SARNP: variants seen among roughly 807,000 people sequenced by gnomAD.
SARNP encodes the protein SAP domain containing ribonucleoprotein.
A neutral mutation model predicts 38.1 loss-of-function variants in SARNP; 5 were observed. The ratio of observed to expected loss-of-function variants is 0.13; its 90% CI spans 0.07 to 0.28. SARNP has a LOEUF of 0.28. Among genes scored for constraint, SARNP ranks in the 10% least tolerant of loss-of-function variants. The probability of loss-of-function intolerance (pLI) is 1.00; values close to 1 mark genes in which losing one functional copy is unlikely to be tolerated. For missense variants in SARNP, 180 were observed against 243.9 expected (o/e 0.74, Z 1.75); for synonymous variants, 84 against 80.6 (o/e 1.04, Z -0.23).
At chr12:55,766,043 C>G (rs954673703) in intron 9 of SARNP, among the ~76,000 whole-genome samples, 6 of 152,188 alleles carry the variant, frequency 3.9e-5, no homozygotes, top group African/African-American at 1.4e-4. Context: ...AAACTCATGT[C>G]TCTCTGCATT....
intron 1 of SARNP, among the ~76,000 whole-genome samples, chr12:55,804,749 G>A (rs1471973460): frequency 6.6e-6 from 1 of 152,088 alleles, no homozygotes; most frequent in African/African-American, 2.4e-5. Flanking sequence ...AAGCAGGAAA[G>A]AAAGGCTCCA....
chr12:55,753,526 T>C (rs1878399916), downstream of SARNP: 1 of 151,968 alleles, frequency 6.6e-6, no homozygotes, highest in Non-Finnish European at 1.5e-5. Context: ...TCCCAGCACT[T>C]TGGGGGGCCG....
intron 9 of SARNP, among the ~76,000 whole-genome samples, chr12:55,766,767 C>T (rs1365263740): frequency 1.3e-5 from 2 of 152,030 alleles, no homozygotes; most frequent in South Asian, 2.1e-4. Context: ...GGACCACAGG[C>T]GCAAGCCAAC....
intron 9 of SARNP, among the ~76,000 whole-genome samples, chr12:55,768,863 A>AC (rs1878925073): frequency 6.6e-6 from 1 of 152,048 alleles, no homozygotes; most frequent in Non-Finnish European, 1.5e-5. Flanking sequence ...AGCTGGGATT[A>AC]CAGGTGTAAG....
chr12:55,813,787 G>A (rs1332672886), intron 1 of SARNP, among the ~76,000 whole-genome samples: 7 of 152,032 alleles, frequency 4.6e-5, no homozygotes, highest in South Asian at 2.1e-4. Flanking sequence ...CAGGTGATCC[G>A]CCTGCCTCGG....
intron 4 of SARNP, 121 bp downstream of exon 4, chr12:55,800,441 G>T (rs1879944011): frequency 2.9e-6 from 2 of 682,118 alleles, no homozygotes; most frequent in African/African-American, 3.7e-5. Flanking sequence ...ACAAAAAAAT[G>T]ACCTAATCAG....
At position 55,770,227 on chromosome 12, in the gene SARNP, A is replaced by AT. The variant is rs758062236; in HGVS notation, c.502-9588dup. ...AAAGAGTCATCAGGTTATAACTAGA[A>AT]TTTTTTTTTTTTTTTTGAGATGGAG... On this transcript the variant is annotated intron_variant, in intron 9 of 10. Coordinates refer to ENST00000336133, the MANE Select transcript of SARNP (RefSeq NM_033082.4). Among the ~76,000 whole-genome samples the AT allele has an allele frequency of 5.1e-3, 724 of 142,594 alleles. 2 individuals are homozygous for AT. The highest frequency in any genetic ancestry group is 0.011 in the Middle Eastern group (3 of 272). 93.5% of individuals were successfully genotyped at this position (142,594 alleles called of 152,430 possible).
intron 9 of SARNP, among the ~76,000 whole-genome samples, chr12:55,781,609 A>C (rs533151629): frequency 6.6e-5 from 10 of 152,302 alleles, no homozygotes; most frequent in African/African-American, 2.2e-4. Context: ...ACTCACTGTG[A>C]AGTGGTTCAT....
At chr12:55,782,271 C>T (rs1441995949) in intron 9 of SARNP, among the ~76,000 whole-genome samples, 1 of 152,198 alleles carries the variant, frequency 6.6e-6, no homozygotes, top group Non-Finnish European at 1.5e-5. Flanking sequence ...ACATATACTG[C>T]CCTCACATTC....
chr12:55,773,987 C>A (rs1444596236), intron 9 of SARNP, among the ~76,000 whole-genome samples: 1 of 151,814 alleles, frequency 6.6e-6, no homozygotes, highest in Non-Finnish European at 1.5e-5. Context: ...GGATTACAGG[C>A]ATGAGCCAAT....
At chr12:55,755,006 A>T (rs1878461026), downstream of SARNP, 1 of 152,236 alleles carries the variant, frequency 6.6e-6, no homozygotes, top group Non-Finnish European at 1.5e-5. Context: ...AGAATCTGGA[A>T]AGATGTGAAA....
At chr12:55,762,308 T>C (rs982743472) in intron 9 of SARNP, among the ~76,000 whole-genome samples, 2 of 150,414 alleles carry the variant, frequency 1.3e-5, no homozygotes, top group African/African-American at 4.8e-5. Context: ...AAACAAACTT[T>C]TTTTTTTTTT....
intron 9 of SARNP, among the ~76,000 whole-genome samples, chr12:55,771,451 C>CCTGG: frequency 6.6e-6 from 1 of 152,292 alleles, no homozygotes; most frequent in Admixed American, 6.5e-5. Flanking sequence ...ATTAACCAAG[C>CCTGG]CAGGCACTGT....
intron 1 of SARNP, among the ~76,000 whole-genome samples, chr12:55,811,597 A>C (rs566357756): frequency 2.0e-4 from 31 of 152,082 alleles, no homozygotes; most frequent in Admixed American, 1.7e-3. Flanking sequence ...ACAAACAAAC[A>C]AACAAACAAA....
Position 55,794,164 on chromosome 12 carries a change from T to A in SARNP, c.406+195A>T, listed in dbSNP as rs74091410. On this transcript the variant is annotated intron_variant, in intron 7 of 10. Transcript: ENST00000336133. Reference sequence around the variant, plus strand: ...AATGTTGGCACTTCCTATCCTCTCATAACATTCAGTATCTCTCTTAATTGC... The same window carrying A: ...AATGTTGGCACTTCCTATCCTCTCAAAACATTCAGTATCTCTCTTAATTGC... 2.2e-3 allele frequency: 1,269 copies of A among 581,974 alleles called. 15 individuals are homozygous for A. In the African/African-American group the frequency reaches 0.022, roughly 10 times the overall value. The allele number at this position is 581,974 out of a possible 1,614,324, so 36.1% of individuals were successfully genotyped here.
At chr12:55,755,093 TG>T (rs1486933345), downstream of SARNP, 2 of 152,170 alleles carry the variant, frequency 1.3e-5, no homozygotes, top group Non-Finnish European at 1.5e-5. Context: ...GGTTAAATTT[TG>T]GGGGGATTCC....
chr12:55,758,000 C>G (rs1878564707), intron 10 of SARNP, among the ~76,000 whole-genome samples: 2 of 152,120 alleles, frequency 1.3e-5, no homozygotes, highest in African/African-American at 2.4e-5. Flanking sequence ...CCCTTCTGAG[C>G]AGTCAGGCCC....
chr12:55,791,433 G>A (rs1879665758), intron 7 of SARNP, among the ~76,000 whole-genome samples: 1 of 152,184 alleles, frequency 6.6e-6, no homozygotes, highest in Non-Finnish European at 1.5e-5. Context: ...AGTGGCTTAC[G>A]CCTGTAATCC....
At chr12:55,789,943 CAA>C (rs1158181574) in intron 8 of SARNP, among the ~76,000 whole-genome samples, 10 of 45,806 alleles carry the variant, frequency 2.2e-4, no homozygotes, top group Non-Finnish European at 2.3e-4. Context: ...AACTCCGTCT[CAA>C]AAAAAAAAAA....
Sources: gnomAD v4.1 joint callset for allele counts (sites outside exome capture counted in the v4.1 genomes callset) on GRCh38, gnomAD v4.1.1 for gene constraint, MANE v1.5 for transcripts, NCBI Gene and HGNC (gene_info 2026-07-23, HGNC 2026-07-21) for gene names.